AKAIN1: variants seen among roughly 807,000 people sequenced by gnomAD.
AKAIN1 encodes A-kinase anchor protein inhibitor 1.
AKAIN1 carries 3 observed loss-of-function variants against 3.7 expected under a neutral mutation model. The ratio of observed to expected loss-of-function variants is 0.82; its 90% CI spans 0.37 to 2.12. The LOEUF (loss-of-function observed/expected upper bound fraction) is 2.12, where lower values mean the gene tolerates loss of function less well. Ranked by LOEUF, AKAIN1 falls within the 30% of genes most tolerant of loss-of-function variation. AKAIN1 has a pLI of 0.06. For missense variants in AKAIN1, 82 were observed against 82.7 expected, an observed-to-expected ratio of 0.99 and a Z score of 0.03; for synonymous variants, 31 against 30.8, an observed-to-expected ratio of 1.01 and a Z score of -0.02.
At chr18:5,157,156 A>C (rs2071112861) in intron 1 of AKAIN1, among the ~76,000 whole-genome samples, 1 of 152,150 alleles carries the variant, frequency 6.6e-6, no homozygotes, top group Non-Finnish European at 1.5e-5. Context: ...GGAGGCTCAG[A>C]ATATTGTTTG....
Position 5,146,663 on chromosome 18 carries a change from G to A in AKAIN1, c.17-908C>T, listed in dbSNP as rs1286694054. Among the ~76,000 whole-genome samples, 5 of 152,098 alleles carry A rather than the reference G, an allele frequency of 3.3e-5. 1 individual carries two copies. Among genetic ancestry groups the A allele is most frequent in the Admixed American group, 2.0e-4 (3 of 15,264 alleles). ...TTCATCAGAACCTGCCCCCCTCCCC[G>A]CCTGGTGATCTAGAGCAGGGATTGG... is the stretch of plus-strand genomic sequence containing the variant. On this transcript the variant is annotated intron_variant, in intron 1 of 1. Transcript: ENST00000434239.
intron 1 of AKAIN1, chr18:5,163,692 T>C (rs987931199): frequency 1.3e-5 from 2 of 152,048 alleles, no homozygotes; most frequent in African/African-American, 4.8e-5. Flanking sequence ...CTTCAAGCAA[T>C]ATATTTCAAT....
chr18:5,190,746 C>T (rs1184310310), intron 1 of AKAIN1, among the ~76,000 whole-genome samples: 1 of 152,132 alleles, frequency 6.6e-6, no homozygotes, highest in African/African-American at 2.4e-5. Context: ...GGCTCTCTTC[C>T]TAACTTGCAT....
intron 1 of AKAIN1, among the ~76,000 whole-genome samples, chr18:5,184,741 C>G (rs1348764313): frequency 1.3e-5 from 2 of 151,978 alleles, no homozygotes; most frequent in Admixed American, 6.6e-5. Flanking sequence ...TAGGAAGAAC[C>G]AATATTGTTA....
intron 1 of AKAIN1, among the ~76,000 whole-genome samples, chr18:5,167,751 T>A (rs1048805783): frequency 6.6e-5 from 10 of 152,090 alleles, no homozygotes; most frequent in Non-Finnish European, 1.5e-5. Context: ...ATAGACACCA[T>A]GTTTACTTTT....
At chr18:5,151,048 C>T (rs894737313) in intron 1 of AKAIN1, among the ~76,000 whole-genome samples, 2 of 152,126 alleles carry the variant, frequency 1.3e-5, no homozygotes, top group African/African-American at 2.4e-5. Context: ...GCATCTCTAT[C>T]TCTCATCTCT....
intron 1 of AKAIN1, among the ~76,000 whole-genome samples, chr18:5,178,141 C>T (rs1191069809): frequency 6.6e-6 from 1 of 152,116 alleles, no homozygotes; most frequent in East Asian, 1.9e-4. Flanking sequence ...GTACATCATC[C>T]ACTAGCCTAA....
At chr18:5,178,391 C>T (rs184225337) in intron 1 of AKAIN1, among the ~76,000 whole-genome samples, 4 of 152,096 alleles carry the variant, frequency 2.6e-5, no homozygotes, top group African/African-American at 9.6e-5. Flanking sequence ...GGAAGAGGGA[C>T]AAGATCACTG....
At chr18:5,178,270 C>T (rs1242244446) in intron 1 of AKAIN1, among the ~76,000 whole-genome samples, 2 of 152,030 alleles carry the variant, frequency 1.3e-5, no homozygotes, top group Non-Finnish European at 2.9e-5. Flanking sequence ...AGTGGGACAA[C>T]CTGGGCATGG....
chr18:5,182,665 T>C (rs773747769), intron 1 of AKAIN1, among the ~76,000 whole-genome samples: 7 of 152,104 alleles, frequency 4.6e-5, no homozygotes, highest in Non-Finnish European at 1.0e-4. Context: ...TCCAATTCCA[T>C]TGATTTTCAC....
chr18:5,190,957 A>G (rs1279843636), intron 1 of AKAIN1, among the ~76,000 whole-genome samples: 12 of 152,182 alleles, frequency 7.9e-5, no homozygotes, highest in Non-Finnish European at 1.6e-4. Flanking sequence ...GTGATGAGGG[A>G]ACATTTGAAA....
At chr18:5,173,786 C>T in intron 1 of AKAIN1, among the ~76,000 whole-genome samples, 1 of 152,104 alleles carries the variant, frequency 6.6e-6, no homozygotes, top group East Asian at 1.9e-4. Flanking sequence ...GCGCCTGTAG[C>T]ATTAAGTGCT....
intron 1 of AKAIN1, among the ~76,000 whole-genome samples, chr18:5,162,040 T>C (rs1334448981): frequency 2.0e-5 from 3 of 152,108 alleles, no homozygotes; most frequent in Non-Finnish European, 4.4e-5. Context: ...CTGTAATGGA[T>C]ACTGAGAAGA....
At chr18:5,152,538 T>C (rs1227349789) in intron 1 of AKAIN1, among the ~76,000 whole-genome samples, 1 of 152,100 alleles carries the variant, frequency 6.6e-6, no homozygotes, top group Non-Finnish European at 1.5e-5. Flanking sequence ...TTAAACCTGT[T>C]TTCCTCTGTT....
intron 1 of AKAIN1, among the ~76,000 whole-genome samples, chr18:5,189,311 T>G (rs140703732): frequency 4.7e-4 from 72 of 152,282 alleles, no homozygotes; most frequent in African/African-American, 1.6e-3. Flanking sequence ...CATCCTTCTA[T>G]CCATTGTAAT....
chr18:5,153,051 A>T (rs1396351908), intron 1 of AKAIN1, among the ~76,000 whole-genome samples: 1 of 152,228 alleles, frequency 6.6e-6, no homozygotes, highest in Admixed American at 6.5e-5. Context: ...GACTTTGGAA[A>T]GGCCAAGGGG....
intron 1 of AKAIN1, among the ~76,000 whole-genome samples, chr18:5,156,767 T>C (rs978801087): frequency 1.5e-4 from 23 of 152,212 alleles, no homozygotes; most frequent in Non-Finnish European, 5.9e-5. Flanking sequence ...TTAAAGCAGC[T>C]CCATGGCCTG....
intron 1 of AKAIN1, among the ~76,000 whole-genome samples, chr18:5,183,965 T>C (rs1192796933): frequency 6.6e-6 from 1 of 152,100 alleles, no homozygotes; most frequent in East Asian, 1.9e-4. Flanking sequence ...AGGCTTCTTG[T>C]GCTTGGAAAC....
At chr18:5,188,397 G>T (rs141717198) in intron 1 of AKAIN1, among the ~76,000 whole-genome samples, 1 of 152,068 alleles carries the variant, frequency 6.6e-6, no homozygotes, top group East Asian at 1.9e-4. Flanking sequence ...GTTGATTATT[G>T]TTAAGGACAA....
Sources: gnomAD v4.1 joint callset for allele counts (sites outside exome capture counted in the v4.1 genomes callset) on GRCh38, gnomAD v4.1.1 for gene constraint, MANE v1.5 for transcripts, NCBI Gene and HGNC (gene_info 2026-07-23, HGNC 2026-07-21) for gene names.